TBCE: variants seen among roughly 807,000 people sequenced by gnomAD.
TBCE encodes tubulin-specific chaperone E.
A neutral mutation model predicts 77.0 loss-of-function variants in TBCE; 53 were observed. That is an observed-to-expected ratio of 0.69 (90% confidence interval 0.55 to 0.87). The LOEUF is 0.87. Among genes scored for constraint, TBCE ranks in the 40% least tolerant of loss-of-function variants. TBCE has a pLI of 0.00. For synonymous variants in TBCE, 235 were observed against 241.3 expected (o/e 0.97, Z 0.24); for missense variants, 624 against 622.4 (o/e 1.00, Z -0.03).
chr1:235,403,851 A>C (rs1247424982), intron 3 of TBCE, among the ~76,000 whole-genome samples: 1 of 152,186 alleles, frequency 6.6e-6, no homozygotes, highest in Admixed American at 6.5e-5. Context: ...AGCCTACTGC[A>C]CACCTAGGCT....
chr1:235,372,321 G>T (rs1328735377), intron 1 of TBCE, among the ~76,000 whole-genome samples: 1 of 152,146 alleles, frequency 6.6e-6, no homozygotes, highest in South Asian at 2.1e-4. Context: ...GCCTCCCAAA[G>T]TGTTGGGATT....
intron 15 of TBCE, among the ~76,000 whole-genome samples, chr1:235,444,486 A>G (rs977346025): frequency 6.6e-6 from 1 of 152,148 alleles, no homozygotes; most frequent in African/African-American, 2.4e-5. Context: ...AGGCTCCATC[A>G]CCTTGATCCC....
intron 1 of TBCE, among the ~76,000 whole-genome samples, chr1:235,370,862 C>T (rs1368957860): frequency 6.7e-6 from 1 of 150,130 alleles, no homozygotes; most frequent in Non-Finnish European, 1.5e-5. Context: ...CTGCCTCAGT[C>T]TCCTGAGTAG....
intron 8 of TBCE, 116 bp downstream of exon 8, chr1:235,434,396 G>GA: frequency 2.2e-6 from 2 of 920,912 alleles, no homozygotes; most frequent in Non-Finnish European, 1.7e-6. Context: ...CAAGAATTAG[G>GA]AAAAATGCTT....
intron 2 of TBCE, among the ~76,000 whole-genome samples, chr1:235,395,033 A>G (rs184605678): frequency 1.3e-5 from 2 of 152,338 alleles, no homozygotes; most frequent in Non-Finnish European, 2.9e-5. Flanking sequence ...GCTGATTACT[A>G]TTCCATTGTC....
chr1:235,414,391 G>A (rs186700100), intron 3 of TBCE, 42 bp from the exon 4 acceptor site: 1 of 1,601,718 alleles, frequency 6.2e-7, no homozygotes, highest in Admixed American at 1.7e-5. Context: ...GCCTTTCTTG[G>A]TGGGTAATAT....
intron 2 of TBCE, among the ~76,000 whole-genome samples, chr1:235,387,807 T>C (rs1046834685): frequency 6.6e-6 from 1 of 151,924 alleles, no homozygotes; most frequent in African/African-American, 2.4e-5. Flanking sequence ...CAAAAGAGGG[T>C]TCTTGGATCT....
chr1:235,412,136 C>CCTT (rs1278618181), intron 3 of TBCE, among the ~76,000 whole-genome samples: 1 of 13,064 alleles, frequency 7.7e-5, no homozygotes, highest in African/African-American at 4.2e-4. Flanking sequence ...TTCCCTTCTC[C>CCTT]TCCCCTTCCC....
chr1:235,418,057 C>T (rs1680201140), intron 4 of TBCE, among the ~76,000 whole-genome samples: 1 of 152,202 alleles, frequency 6.6e-6, no homozygotes, highest in South Asian at 2.1e-4. Context: ...GCTGGGATTA[C>T]AGGCATAAGC....
intron 7 of TBCE, chr1:235,432,988 C>A: frequency 6.7e-7 from 1 of 1,500,944 alleles, no homozygotes; most frequent in South Asian, 1.3e-5. Context: ...TCTCGACATG[C>A]AGAAAGACGC....
intron 5 of TBCE, among the ~76,000 whole-genome samples, chr1:235,424,401 C>T (rs907545947): frequency 1.5e-4 from 13 of 88,044 alleles, no homozygotes; most frequent in African/African-American, 2.2e-4. Context: ...CTTGGCTCAC[C>T]GCAACCTTCT....
At chr1:235,421,270 C>T (rs1204722600) in intron 5 of TBCE, among the ~76,000 whole-genome samples, 2 of 152,116 alleles carry the variant, frequency 1.3e-5, no homozygotes, top group Non-Finnish European at 2.9e-5. Flanking sequence ...CAAAACAAAA[C>T]TGGGTGTGGT....
chr1:235,374,740 A>T (rs1392036236), intron 1 of TBCE, among the ~76,000 whole-genome samples: 1 of 144,114 alleles, frequency 6.9e-6, no homozygotes, highest in Non-Finnish European at 1.5e-5. Flanking sequence ...ACCTCAGGTG[A>T]GTCACCCACC....
intron 1 of TBCE, among the ~76,000 whole-genome samples, chr1:235,370,384 C>T (rs1171501884): frequency 6.6e-6 from 1 of 151,508 alleles, no homozygotes; most frequent in Non-Finnish European, 1.5e-5. Context: ...TCCCAACTAG[C>T]TGTGATTACA....
chr1:235,438,735 G>T, intron 12 of TBCE, 34 bp from the exon 13 acceptor site: 4 of 1,614,124 alleles, frequency 2.5e-6, no homozygotes, highest in Non-Finnish European at 3.4e-6. Context: ...AAAAAGCTTT[G>T]TAATAGGCTT....
chr1:235,383,802 C>T (rs1677829835), intron 2 of TBCE, among the ~76,000 whole-genome samples: 1 of 152,120 alleles, frequency 6.6e-6, no homozygotes, highest in Admixed American at 6.6e-5. Flanking sequence ...ATTGAATACC[C>T]TTTGTTTCCT....
chr1:235,393,517 G>A (rs921932350), intron 2 of TBCE, among the ~76,000 whole-genome samples: 4 of 152,188 alleles, frequency 2.6e-5, no homozygotes, highest in Non-Finnish European at 5.9e-5. Flanking sequence ...CAGCCTGGGT[G>A]ACAGAGTGAG....
intron 15 of TBCE, among the ~76,000 whole-genome samples, chr1:235,445,268 TTAATAC>T (rs1447120029): frequency 1.3e-5 from 2 of 152,236 alleles, no homozygotes; most frequent in Admixed American, 6.5e-5. Context: ...ACAAAGGTTC[TTAATAC>T]TAATTCTTAT....
At chr1:235,392,276 G>GC (rs1456959979) in intron 2 of TBCE, among the ~76,000 whole-genome samples, 2 of 152,084 alleles carry the variant, frequency 1.3e-5, no homozygotes, top group Non-Finnish European at 2.9e-5. Context: ...GATTGCTTGA[G>GC]CCCAGGAAGT....
Sources: gnomAD v4.1 joint callset for allele counts (sites outside exome capture counted in the v4.1 genomes callset) on GRCh38, gnomAD v4.1.1 for gene constraint, MANE v1.5 for transcripts, NCBI Gene and HGNC (gene_info 2026-07-23, HGNC 2026-07-21) for gene names.